GAB3: variants seen among roughly 807,000 people sequenced by gnomAD.
GAB3 encodes the protein GRB2 associated binding protein 3.
A neutral mutation model predicts 40.4 loss-of-function variants in GAB3; 12 were observed. The ratio of observed to expected loss-of-function variants is 0.30; its 90% CI spans 0.19 to 0.48. GAB3 has a LOEUF of 0.48. Ranked by LOEUF, GAB3 falls within the 20% of genes least tolerant of loss-of-function variation. GAB3 has a pLI of 0.99. For missense variants in GAB3, 381 were observed against 461.9 expected (o/e 0.82, Z 1.61); for synonymous variants, 154 against 176.7 (o/e 0.87, Z 1.02).
At chrX:154,693,253 G>C (rs188661130) in intron 8 of GAB3, among the ~76,000 whole-genome samples, 1 of 111,917 alleles carries the variant, frequency 8.9e-6, no homozygotes, top group East Asian at 2.8e-4. Flanking sequence ...CATAGAGACA[G>C]AAAGTAGAGC....
At chrX:154,739,886 A>C (rs1021206727) in intron 1 of GAB3, among the ~76,000 whole-genome samples, 40 of 112,332 alleles carry the variant, frequency 3.6e-4, no homozygotes, top group Non-Finnish European at 7.1e-4. Context: ...ATTTAAGATA[A>C]TTTTCTAGAA....
At chrX:154,709,616 C>T (rs1211756189) in intron 4 of GAB3, among the ~76,000 whole-genome samples, 1 of 110,214 alleles carries the variant, frequency 9.1e-6, no homozygotes, top group Non-Finnish European at 1.9e-5. Flanking sequence ...CGCACCCAGC[C>T]TCAAATAGTT....
At chrX:154,679,232 T>C (rs782080314) in intron 9 of GAB3, 1 of 342,368 alleles carries the variant, frequency 2.9e-6, no homozygotes, top group South Asian at 2.6e-5. Flanking sequence ...TCTGTGATTC[T>C]GCAATCTCTC....
intron 1 of GAB3, among the ~76,000 whole-genome samples, chrX:154,742,596 C>T (rs1300671411): frequency 9.0e-6 from 1 of 111,065 alleles, no homozygotes; most frequent in Non-Finnish European, 1.9e-5. Flanking sequence ...GTCAAACCAT[C>T]GTAAGTCAGG....
chrX:154,692,503 A>C (rs1300097150), intron 8 of GAB3, among the ~76,000 whole-genome samples: 1 of 112,323 alleles, frequency 8.9e-6, no homozygotes, highest in Non-Finnish European at 1.9e-5. Flanking sequence ...AAAATGATAA[A>C]TAGGTCGGGT....
intron 8 of GAB3, among the ~76,000 whole-genome samples, chrX:154,691,247 T>A (rs1408012269): frequency 4.8e-5 from 4 of 83,721 alleles, no homozygotes; most frequent in South Asian, 7.0e-4. Flanking sequence ...GAAGGGGAAC[T>A]TCACACTCTG....
chrX:154,731,763 G>T (rs1250658261), intron 1 of GAB3, among the ~76,000 whole-genome samples: 2 of 111,687 alleles, frequency 1.8e-5, no homozygotes, highest in Non-Finnish European at 3.8e-5. Flanking sequence ...AGACAAACAT[G>T]AAGTAACACA....
chrX:154,690,158 C>CCTGAGAAAAAAAAATTA (rs1569557218), intron 8 of GAB3, among the ~76,000 whole-genome samples: 12 of 108,158 alleles, frequency 1.1e-4, no homozygotes, highest in African/African-American at 4.0e-4. Context: ...GAAAAACAAG[C>CCTGAGAAAAAAAAATTA]AATGGGGAAA....
intron 4 of GAB3, among the ~76,000 whole-genome samples, chrX:154,710,498 CATGGGCACTTCATCT>C (rs1488080731): frequency 1.8e-5 from 2 of 111,842 alleles, no homozygotes; most frequent in East Asian, 2.8e-4. Context: ...CCCTCACATA[CATGGGCACTTCATCT>C]ATGGCAGAGG....
chrX:154,717,407 C>T, intron 1 of GAB3, among the ~76,000 whole-genome samples: 1 of 111,093 alleles, frequency 9.0e-6, no homozygotes, highest in Non-Finnish European at 1.9e-5. Context: ...CAGGATTGGC[C>T]TAAAGCTATC....
At chrX:154,734,346 T>C (rs1304281333) in intron 1 of GAB3, among the ~76,000 whole-genome samples, 2 of 113,110 alleles carry the variant, frequency 1.8e-5, no homozygotes, top group Non-Finnish European at 3.7e-5. Flanking sequence ...GTCTAGAGCA[T>C]GGTGACGTTC....
At chrX:154,722,678 C>T (rs782210479) in intron 1 of GAB3, among the ~76,000 whole-genome samples, 46 of 111,385 alleles carry the variant, frequency 4.1e-4, no homozygotes, top group African/African-American at 1.5e-3. Context: ...TTTAAGTGTG[C>T]CTAGCAGATA....
intron 1 of GAB3, among the ~76,000 whole-genome samples, chrX:154,727,874 C>G (rs1557259521): frequency 8.9e-6 from 1 of 112,062 alleles, no homozygotes; most frequent in Admixed American, 9.4e-5. Flanking sequence ...GCACTCAATT[C>G]TACTTGCACA....
chrX:154,720,494 T>C (rs1557258491), intron 1 of GAB3, among the ~76,000 whole-genome samples: 1 of 109,851 alleles, frequency 9.1e-6, no homozygotes, highest in Non-Finnish European at 1.9e-5. Context: ...GGCGAGGTAG[T>C]GGGCGCCTGT....
chrX:154,708,538 A>G (rs1211288233), intron 4 of GAB3, among the ~76,000 whole-genome samples: 2 of 112,345 alleles, frequency 1.8e-5, no homozygotes, highest in African/African-American at 6.5e-5. Flanking sequence ...CAAAAAAACT[A>G]AATGACCCAA....
chrX:154,722,283 C>T (rs782671690), intron 1 of GAB3, among the ~76,000 whole-genome samples: 1 of 110,245 alleles, frequency 9.1e-6, no homozygotes. Flanking sequence ...AAACTGGTTA[C>T]CAGGGACAAG....
Position 154,691,074 on chromosome X carries a change from A to G in GAB3, c.1530+4843T>C, listed in dbSNP as rs782594173. On this transcript the variant is annotated intron_variant, in intron 8 of 9. Coordinates refer to ENST00000424127, the MANE Select transcript of GAB3 (RefSeq NM_001081573.3). ...AAAATGTGGCACATATACGCCATGG[A>G]ACACTATGCAGCCATAAAAAATGAT... is the stretch of plus-strand genomic sequence containing the variant. Among the ~76,000 whole-genome samples, 200 of 110,847 alleles carry G rather than the reference A, an allele frequency of 1.8e-3. 1 individual carries two copies. The highest frequency in any genetic ancestry group is 5.8e-3 in the African/African-American group (176 of 30,436).
At chrX:154,699,585 C>T in intron 5 of GAB3, 72 bp from the exon 6 acceptor site, 1 of 885,549 alleles carries the variant, frequency 1.1e-6, no homozygotes, top group African/African-American at 2.0e-5. Context: ...GCGGCCAAAG[C>T]TGTACATATG....
At chrX:154,684,611 C>T (rs782406156) in intron 8 of GAB3, among the ~76,000 whole-genome samples, 3 of 111,297 alleles carry the variant, frequency 2.7e-5, no homozygotes, top group Non-Finnish European at 5.7e-5. Flanking sequence ...TTTAAAGAGC[C>T]AATTACAGCT....
Sources: allele counts gnomAD v4.1 joint callset (sites outside exome capture counted in the v4.1 genomes callset), GRCh38; gene constraint gnomAD v4.1.1; transcripts MANE v1.5; gene names NCBI Gene and HGNC (gene_info 2026-07-23, HGNC 2026-07-21).